CHSY1: variants seen among roughly 807,000 people sequenced by gnomAD.
CHSY1 encodes the protein chondroitin sulfate synthase 1.
CHSY1 carries 13 observed loss-of-function variants against 59.8 expected under a neutral mutation model. The observed-to-expected ratio is 0.22, with a 90% CI of 0.14 to 0.35. CHSY1 has a LOEUF of 0.35. Ranked by LOEUF, CHSY1 falls within the 10% of genes least tolerant of loss-of-function variation. The pLI, the probability that CHSY1 is intolerant of heterozygous loss-of-function variation, is 1.00. For missense variants in CHSY1, 947 were observed against 1,030.6 expected (o/e 0.92, Z 1.11); for synonymous variants, 459 against 401.2 (o/e 1.14, Z -1.72).
rs192082116 is a variant in CHSY1, at chr15:101,204,232, G to A, written c.817-25252C>T. Among the ~76,000 whole-genome samples, 97 of 151,994 alleles carry A rather than the reference G, an allele frequency of 6.4e-4. No homozygotes were observed. In the Middle Eastern group the frequency reaches 0.01, roughly 16 times the overall value. On this transcript the variant is annotated intron_variant, in intron 2 of 2. Coordinates refer to ENST00000254190, the MANE Select transcript of CHSY1 (RefSeq NM_014918.5). ...GTGGATCAGCTGAGGTCAGGAGTTC[G>A]AGACTAGCCTGGCCAATATGGCGAA...
At chr15:101,232,529 C>T (rs1271536972) in intron 2 of CHSY1, among the ~76,000 whole-genome samples, 1 of 152,166 alleles carries the variant, frequency 6.6e-6, no homozygotes, top group Non-Finnish European at 1.5e-5. Context: ...ACACTTCAAA[C>T]ATGTAAGAAA....
chr15:101,218,333 T>G (rs962164885), intron 2 of CHSY1, among the ~76,000 whole-genome samples: 4 of 152,034 alleles, frequency 2.6e-5, no homozygotes, highest in African/African-American at 9.7e-5. Context: ...CAGTGGCTCA[T>G]GCCTGTTAAT....
chr15:101,190,276 G>A (rs946732152), intron 2 of CHSY1, among the ~76,000 whole-genome samples: 1 of 147,854 alleles, frequency 6.8e-6, no homozygotes, highest in Non-Finnish European at 1.5e-5. Context: ...GGGTGGGTGG[G>A]GAAGGGAAGC....
intron 1 of CHSY1, 126 bp from the exon 2 acceptor site, chr15:101,235,703 G>A: frequency 1.9e-6 from 2 of 1,042,946 alleles, no homozygotes; most frequent in East Asian, 2.5e-5. Flanking sequence ...TGGCCTGCTT[G>A]GTTCCTCTTA....
At chr15:101,242,812 A>C (rs1395702027) in intron 1 of CHSY1, among the ~76,000 whole-genome samples, 1 of 152,128 alleles carries the variant, frequency 6.6e-6, no homozygotes, top group Non-Finnish European at 1.5e-5. Flanking sequence ...GCAGTTTCCC[A>C]CTTCTGTGCA....
intron 2 of CHSY1, among the ~76,000 whole-genome samples, chr15:101,209,017 G>A (rs1315430404): frequency 1.3e-5 from 2 of 152,084 alleles, no homozygotes; most frequent in Admixed American, 6.5e-5. Flanking sequence ...TAAAACTATT[G>A]GGGGTGGGAG....
At chr15:101,192,480 C>T (rs2038456903) in intron 2 of CHSY1, among the ~76,000 whole-genome samples, 1 of 152,118 alleles carries the variant, frequency 6.6e-6, no homozygotes, top group Admixed American at 6.5e-5. Context: ...TGGGGCAGAC[C>T]AGCCAAGGCA....
intron 1 of CHSY1, among the ~76,000 whole-genome samples, chr15:101,247,095 T>C (rs1228586935): frequency 6.6e-6 from 1 of 152,226 alleles, no homozygotes; most frequent in Non-Finnish European, 1.5e-5. Context: ...CACCTCCTTT[T>C]CCTGCATAAA....
intron 2 of CHSY1, among the ~76,000 whole-genome samples, chr15:101,229,010 A>G (rs1405651661): frequency 6.6e-6 from 1 of 152,224 alleles, no homozygotes; most frequent in Non-Finnish European, 1.5e-5. Context: ...TGTGTTTACT[A>G]CTGTTATTAA....
intron 2 of CHSY1, among the ~76,000 whole-genome samples, chr15:101,205,516 G>A (rs955165330): frequency 5.3e-5 from 8 of 152,158 alleles, no homozygotes; most frequent in African/African-American, 1.9e-4. Flanking sequence ...CTTGTGAAAA[G>A]ACACATACCC....
At chr15:101,184,106 C>A (rs181822479) in intron 2 of CHSY1, among the ~76,000 whole-genome samples, 43 of 152,338 alleles carry the variant, frequency 2.8e-4, no homozygotes, top group South Asian at 2.7e-3. Context: ...CACGGGAGGC[C>A]TCTACATGAC....
At chr15:101,239,361 G>A (rs1490489270) in intron 1 of CHSY1, among the ~76,000 whole-genome samples, 1 of 152,188 alleles carries the variant, frequency 6.6e-6, no homozygotes, top group East Asian at 1.9e-4. Flanking sequence ...TGGGGTGGGC[G>A]AGACAATTCC....
chr15:101,248,234 G>T (rs1321605621), intron 1 of CHSY1, among the ~76,000 whole-genome samples: 6 of 152,226 alleles, frequency 3.9e-5, no homozygotes, highest in South Asian at 4.1e-4. Flanking sequence ...TGGACTTTTG[G>T]TCTGGGCTGC....
At chr15:101,205,537 A>G (rs1379368910) in intron 2 of CHSY1, among the ~76,000 whole-genome samples, 1 of 152,260 alleles carries the variant, frequency 6.6e-6, no homozygotes, top group Non-Finnish European at 1.5e-5. Flanking sequence ...AAACCTGAAG[A>G]GTACTGTGAT....
chr15:101,251,101 G>A, intron 1 of CHSY1, 36 bp downstream of exon 1: 3 of 1,538,444 alleles, frequency 2.0e-6, no homozygotes, highest in Non-Finnish European at 8.7e-7. Context: ...CGGGATGCCG[G>A]ACGCAGGAGG....
At chr15:101,226,651 A>G (rs1027405676) in intron 2 of CHSY1, among the ~76,000 whole-genome samples, 3 of 152,114 alleles carry the variant, frequency 2.0e-5, no homozygotes, top group South Asian at 2.1e-4. Flanking sequence ...ACTCCTCTGC[A>G]CTGTCTCTCA....
At chr15:101,226,117 T>C (rs573354007) in intron 2 of CHSY1, among the ~76,000 whole-genome samples, 2 of 152,336 alleles carry the variant, frequency 1.3e-5, no homozygotes, top group East Asian at 3.9e-4. Flanking sequence ...CTTCCCTAAA[T>C]TGTAAAAACA....
Position 101,177,453 on chromosome 15 carries a change from G to A in CHSY1, c.2344C>T (p.Leu782=), listed in dbSNP as rs758767075. The A allele has an allele frequency of 1.2e-5, 20 of 1,612,138 alleles. No individual in the cohort carries two copies. The East Asian group carries it at 4.0e-4, about 32-fold the overall frequency. The change falls in exon 3 of 3, where the codon CTG becomes TTG. Residue 782 remains leucine, a synonymous_variant. Coordinates refer to ENST00000254190, the MANE Select transcript of CHSY1 (RefSeq NM_014918.5). ...GSTQQLAEMW[L]EKNDPSYSKS... is the part of the protein sequence containing the mutation. ...CTGTAACTTGGATCATTTTTTTCCA[G>A]CCACATCTCAGCCAGCTGCTGGGTG...
chr15:101,220,983 C>G (rs765237089), intron 2 of CHSY1, among the ~76,000 whole-genome samples: 10 of 152,068 alleles, frequency 6.6e-5, no homozygotes, highest in Non-Finnish European at 1.5e-4. Context: ...CTGCGAGCAG[C>G]CCTGTCCCTC....
Sources: allele counts gnomAD v4.1 joint callset (sites outside exome capture counted in the v4.1 genomes callset), GRCh38; gene constraint gnomAD v4.1.1; transcripts MANE v1.5; gene names NCBI Gene and HGNC (gene_info 2026-07-23, HGNC 2026-07-21).